The following STAB1 variants were observed in gnomAD, a reference collection of about 807,000 sequenced individuals.
STAB1 encodes stabilin 1.
STAB1 carries 250 observed loss-of-function variants against 332.4 expected under a neutral mutation model. The observed-to-expected ratio is 0.75, with a 90% CI of 0.68 to 0.84. The LOEUF (loss-of-function observed/expected upper bound fraction) is 0.84. Ranked by LOEUF, STAB1 falls within the 40% of genes least tolerant of loss-of-function variation. STAB1 has a pLI of 0.00. For synonymous variants in STAB1, 1,475 were observed against 1,390.4 expected (o/e 1.06, Z -1.35); for missense variants, 3,249 against 3,489.7 (o/e 0.93, Z 1.74).
chr3:52,516,266 G>GGGGGGGGGGCC, intron 38 of STAB1, 28 bp downstream of exon 38: 1 of 794,314 alleles, frequency 1.3e-6, no homozygotes, highest in Non-Finnish European at 2.2e-6. Flanking sequence ...GCGGGGGTGG[G>GGGGGGGGGGCC]CCTCCTGGCA....
chr3:52,497,375 G>A (rs1405810249), intron 1 of STAB1, among the ~76,000 whole-genome samples: 1 of 150,892 alleles, frequency 6.6e-6, no homozygotes. Context: ...GTATACGGGA[G>A]GATGTGCATA....
intron 1 of STAB1, 39 bp downstream of exon 1, chr3:52,495,530 G>T: frequency 7.8e-7 from 1 of 1,287,346 alleles, no homozygotes; most frequent in Non-Finnish European, 9.9e-7. Flanking sequence ...CGGCGTCTGG[G>T]CCCTGCCGGC....
chr3:52,519,333 C>A lies in STAB1; in HGVS notation c.5104C>A (p.His1702Asn), dbSNP rs2078992940. The change falls in exon 49 of 69, where the codon CAC becomes AAC. Residue 1702 changes from histidine (H) to asparagine (N), a missense_variant. His to Asn is a moderately conservative substitution (Grantham distance 68). Transcript: ENST00000321725. ...SDHEAVNGIL[H>N]FIDRVLLPPE... ...CCATGAGGCCGTGAACGGCATCCTG[C>A]ACTTCATTGACCGTGTCCTGCTGCC... 6.2e-7 allele frequency: 1 copy of A among 1,613,146 alleles called. No homozygotes were observed. The highest frequency in any genetic ancestry group is 8.5e-7 in the Non-Finnish European group (1 of 1,180,008).
chr3:52,513,208 C>G lies in STAB1; in HGVS notation c.3237C>G (p.Pro1079=). ...GGCAGGAAGTGGCCACCCTGAACCC[C>G]ACCACACGCTGGGAGATTCGCAACA... ...LGGQEVATLN[P]TTRWEIRNIS... is the part of the protein sequence containing the mutation. The change falls in exon 30 of 69, where the codon CCC becomes CCG. Residue 1079 remains proline (P), a synonymous_variant. Transcript: ENST00000321725. 1 of 1,585,566 alleles carries G rather than the reference C, an allele frequency of 6.3e-7. No individual in the cohort carries two copies. The highest frequency in any genetic ancestry group is 1.2e-5 in the South Asian group (1 of 86,668).
At chr3:52,513,073 G>GTC in intron 29 of STAB1, 57 bp from the exon 30 acceptor site, 1 of 1,554,068 alleles carries the variant, frequency 6.4e-7, no homozygotes, top group Admixed American at 2.0e-5. Flanking sequence ...AGCCCCAAAG[G>GTC]TCTCTGTAAG....
At position 52,510,236 on chromosome 3, in the gene STAB1, G is replaced by A. The variant is rs781566246; in HGVS notation, c.2628+1G>A. On this transcript the variant is annotated splice_donor_variant, in intron 24 of 68. Transcript: ENST00000321725. LOFTEE classifies it high-confidence loss of function. ...GGACCGTGGAGGCTGCTCAGAGAAT[G>A]TCAGTCCCCTTGCTCCTTCCCTGAA... is the stretch of plus-strand genomic sequence containing the variant. 3.7e-6 allele frequency: 6 copies of A among 1,613,914 alleles called. No individual in the cohort carries two copies. Among genetic ancestry groups the A allele is most frequent in the African/African-American group, 2.7e-5 (2 of 74,930 alleles).
rs1354498960 is a variant in STAB1, at chr3:52,519,418, G to A, written c.5175+14G>A. 1 of 1,612,328 alleles carries A rather than the reference G, an allele frequency of 6.2e-7. No individual in the cohort carries two copies. Among genetic ancestry groups the A allele is most frequent in the South Asian group, 1.1e-5 (1 of 91,068 alleles). On this transcript the variant is annotated intron_variant, in intron 49 of 68. Coordinates refer to ENST00000321725, the MANE Select transcript of STAB1 (RefSeq NM_015136.3). ...CCCATCCCGAGGGTATGACAAGCAC[G>A]GGCCTGGGAGCTGGAAGACAGGCAG... is the stretch of plus-strand genomic sequence containing the variant.
chr3:52,520,910 G>A lies in STAB1; in HGVS notation c.5813G>A (p.Arg1938Lys). Residue 1938 changes from arginine (R) to lysine (K), a missense_variant, in exon 55 of 69, where the codon AGG becomes AAG. By Grantham distance (26) the Arg-to-Lys change is conservative. Transcript: ENST00000321725. ...TGGGTCCACCCCAGCCTTTGGGGTAGGCCCCAAGGCCTGGGCAGGGGCTGC... is the reference window on the plus strand; with the variant it reads ...TGGGTCCACCCCAGCCTTTGGGGTAAGCCCCAAGGCCTGGGCAGGGGCTGC... ...SVWVHPSLWG[R>K]PQGLGRGCHR... 1 of 1,605,020 alleles carries A rather than the reference G, an allele frequency of 6.2e-7. No homozygotes were observed. The highest frequency in any genetic ancestry group is 1.1e-5 in the South Asian group (1 of 90,190).
At position 52,521,499 on chromosome 3, in the gene STAB1, C is replaced by T; in HGVS notation, c.6047C>T (p.Pro2016Leu). The T allele has an allele frequency of 6.2e-7, 1 of 1,613,966 alleles. No homozygotes were observed. The highest frequency in any genetic ancestry group is 8.5e-7 in the Non-Finnish European group (1 of 1,180,022). The part of the protein sequence containing the change: ...CELCAPGAFG[P>L]HCQACRCTVH... ...CTCTGTGCTCCTGGTGCCTTTGGGC[C>T]CCATTGTCAAGGTGGGCCATCCCTG... Residue 2016 changes from proline to leucine, a missense_variant, in exon 56 of 69, where the codon CCC becomes CTC. Physicochemically the swap from Pro to Leu is moderately conservative, Grantham distance 98. Transcript: ENST00000321725.
chr3:52,507,107 C>T (rs1401283993), intron 18 of STAB1, among the ~76,000 whole-genome samples: 1 of 152,236 alleles, frequency 6.6e-6, no homozygotes, highest in African/African-American at 2.4e-5. Flanking sequence ...TGCAGTGGCA[C>T]AATCCCAACT....
In STAB1 at chr3:52,520,462, T is replaced by C. The variant is rs1406893977; in HGVS notation, c.5562T>C (p.Gly1854=). Residue 1854 remains glycine, a synonymous_variant, in exon 53 of 69, where the codon GGT becomes GGC. Transcript: ENST00000321725. ...RIVQRHLPFE[G]GLAYGIDQLL... is the part of the protein sequence containing the mutation. ...TGCAGCGGCACTTGCCCTTTGAGGG[T>C]GGCCTGGCCTATGGCATCGACCAGC... The C allele has an allele frequency of 3.1e-6, 5 of 1,612,770 alleles. No individual in the cohort carries two copies. In the Admixed American group the frequency reaches 5.0e-5, roughly 16 times the overall value.
chr3:52,510,477 T>C lies in STAB1; in HGVS notation c.2757T>C (p.Asp919=), dbSNP rs367553273. Residue 919 remains aspartate, a synonymous_variant, in exon 25 of 69, where the codon GAT becomes GAC. Coordinates refer to ENST00000321725, the MANE Select transcript of STAB1 (RefSeq NM_015136.3). The part of the protein sequence containing the change: ...ELDMRGGCHT[D]ALCSYVGPGQ... ...ACATGAGAGGTGGCTGCCACACCGA[T>C]GCCCTCTGCAGCTATGTGGGCCCCG... is the stretch of plus-strand genomic sequence containing the variant. 303 of 1,613,632 alleles carry C rather than the reference T, an allele frequency of 1.9e-4. 5 individuals carry two copies. The East Asian group carries it at 4.5e-3, about 24-fold the overall frequency.
chr3:52,508,084 G>A, intron 20 of STAB1, 58 bp downstream of exon 20: 1 of 1,566,868 alleles, frequency 6.4e-7, no homozygotes, highest in Middle Eastern at 1.7e-4. Context: ...TGTTCCTCGG[G>A]GGCCCCCAAG....
At chr3:52,506,972 G>C (rs915583050) in intron 18 of STAB1, 122 bp downstream of exon 18, 1 of 1,383,426 alleles carries the variant, frequency 7.2e-7, no homozygotes, top group African/African-American at 1.4e-5. Context: ...CTGAGGCCCT[G>C]CTGGCAGACT....
At chr3:52,517,134 T>C in intron 42 of STAB1, 25 bp downstream of exon 42, 1 of 1,520,716 alleles carries the variant, frequency 6.6e-7, no homozygotes, top group South Asian at 1.3e-5. Context: ...CTAACCTGGG[T>C]TTATGTTGGG....
chr3:52,499,741 T>G (rs1224768060), intron 1 of STAB1, among the ~76,000 whole-genome samples: 1 of 150,454 alleles, frequency 6.6e-6, no homozygotes, highest in African/African-American at 2.4e-5. Context: ...CTACTAAAAA[T>G]ACAAAAAATT....
Position 52,521,380 on chromosome 3 carries a change from C to T in STAB1, c.5928C>T (p.Ser1976=), listed in dbSNP as rs2079066329. ...CCCCAGCTTGCCCTGGCGGCCCCAG[C>T]AGCCCTTGTAGTGACCGTGGCGTGT... is the stretch of plus-strand genomic sequence containing the variant. ...SECQACPGGP[S]SPCSDRGVCM... The change falls in exon 56 of 69, where the codon AGC becomes AGT. Residue 1976 remains serine (S), a synonymous_variant. Coordinates refer to ENST00000321725, the MANE Select transcript of STAB1 (RefSeq NM_015136.3). 1 of 1,613,860 alleles carries T rather than the reference C, an allele frequency of 6.2e-7. No homozygotes were observed. The highest frequency in any genetic ancestry group is 1.1e-5 in the South Asian group (1 of 91,088).
chr3:52,512,480 G>A (rs371574145), intron 27 of STAB1, 44 bp downstream of exon 27: 227 of 1,610,802 alleles, frequency 1.4e-4, no homozygotes, highest in Middle Eastern at 6.6e-4. Flanking sequence ...CCGTGCTTGG[G>A]AAGGAGCCCT....
In STAB1 at chr3:52,524,357, C is replaced by G. The variant is rs775998145; in HGVS notation, c.*1C>G. On this transcript the variant is annotated 3_prime_UTR_variant, in exon 69 of 69. Coordinates refer to ENST00000321725, the MANE Select transcript of STAB1 (RefSeq NM_015136.3). ...CCAGAGGATCCTCACAGTCAAGTGACGAGGCTGGGGCTGAAAGCAGAAGCA... is the reference window on the plus strand; with the variant it reads ...CCAGAGGATCCTCACAGTCAAGTGAGGAGGCTGGGGCTGAAAGCAGAAGCA... 1 of 1,613,734 alleles carries G rather than the reference C, an allele frequency of 6.2e-7. No individual in the cohort carries two copies. The highest frequency in any genetic ancestry group is 8.5e-7 in the Non-Finnish European group (1 of 1,180,004).
Sources: allele counts gnomAD v4.1 joint callset (sites outside exome capture counted in the v4.1 genomes callset), GRCh38; gene constraint gnomAD v4.1.1; transcripts MANE v1.5; gene names NCBI Gene and HGNC (gene_info 2026-07-23, HGNC 2026-07-21).